PDE4D: variants seen among roughly 807,000 people sequenced by gnomAD.
PDE4D encodes the protein phosphodiesterase 4D.
A neutral mutation model predicts 87.4 loss-of-function variants in PDE4D; 24 were observed. The ratio of observed to expected loss-of-function variants is 0.27; its 90% CI spans 0.20 to 0.39. PDE4D has a LOEUF of 0.39. Among genes scored for constraint, PDE4D ranks in the 10% least tolerant of loss-of-function variants. The pLI, the probability that PDE4D is intolerant of heterozygous loss-of-function variation, is 1.00. For missense variants in PDE4D, 714 were observed against 1,041.0 expected (o/e 0.69, Z 4.32); for synonymous variants, 384 against 383.2 (o/e 1.00, Z -0.02).
chr5:59,159,118 C>T (rs1780649381), intron 5 of PDE4D, among the ~76,000 whole-genome samples: 1 of 136,202 alleles, frequency 7.3e-6, no homozygotes, highest in Non-Finnish European at 1.7e-5. Flanking sequence ...TCTTTGCCTC[C>T]TCTGAATTCT....
chr5:59,055,682 G>C (rs969648033), intron 5 of PDE4D, among the ~76,000 whole-genome samples: 14 of 152,174 alleles, frequency 9.2e-5, no homozygotes, highest in African/African-American at 3.4e-4. Flanking sequence ...TGAGATAACT[G>C]AGAGATTCAG....
intron 1 of PDE4D, among the ~76,000 whole-genome samples, chr5:59,320,186 G>A (rs901898624): frequency 2.0e-5 from 3 of 152,074 alleles, no homozygotes; most frequent in African/African-American, 4.8e-5. Context: ...ATGCATGTGC[G>A]TGTGCAGGTG....
intron 3 of PDE4D, among the ~76,000 whole-genome samples, chr5:59,972,823 A>T (rs929049807): frequency 6.6e-6 from 1 of 152,160 alleles, no homozygotes; most frequent in African/African-American, 2.4e-5. Flanking sequence ...AGGCTCCCAG[A>T]CCTGGCTATA....
chr5:60,459,624 C>T (rs1746766030), intron 1 of PDE4D, among the ~76,000 whole-genome samples: 1 of 151,920 alleles, frequency 6.6e-6, no homozygotes, highest in South Asian at 2.1e-4. Context: ...TGATTCCATA[C>T]AGTTTTTGTT....
chr5:59,398,430 A>C (rs369156081), intron 1 of PDE4D, among the ~76,000 whole-genome samples: 1 of 144,234 alleles, frequency 6.9e-6, no homozygotes, highest in Non-Finnish European at 1.5e-5. Flanking sequence ...TTCAATATAC[A>C]CAAATCAGTA....
intron 1 of PDE4D, among the ~76,000 whole-genome samples, chr5:59,295,858 A>T (rs2153557883): frequency 6.6e-6 from 1 of 152,184 alleles, no homozygotes; most frequent in South Asian, 2.1e-4. Context: ...ACAAAAAAAA[A>T]AACAGCTTTG....
At chr5:60,112,999 C>T (rs1582722591) in intron 2 of PDE4D, among the ~76,000 whole-genome samples, 1 of 152,064 alleles carries the variant, frequency 6.6e-6, no homozygotes, top group Admixed American at 6.6e-5. Context: ...GGAGATGAGA[C>T]GTACGTCAAC....
At chr5:60,422,430 T>C (rs1035227629) in intron 1 of PDE4D, among the ~76,000 whole-genome samples, 5 of 152,178 alleles carry the variant, frequency 3.3e-5, no homozygotes, top group African/African-American at 1.2e-4. Context: ...CAGAATTTCA[T>C]ATCCAGCCAA....
chr5:59,665,119 T>C (rs1181763362), intron 1 of PDE4D, among the ~76,000 whole-genome samples: 1 of 152,206 alleles, frequency 6.6e-6, no homozygotes, highest in African/African-American at 2.4e-5. Context: ...CATGAACTGA[T>C]TGTCTTCCTA....
chr5:60,047,583 G>T (rs1311829963), intron 2 of PDE4D, among the ~76,000 whole-genome samples: 1 of 152,024 alleles, frequency 6.6e-6, no homozygotes, highest in Admixed American at 6.6e-5. Flanking sequence ...GTTCTCATTG[G>T]TTTCAAAGAA....
At chr5:59,078,030 A>G (rs1670547729) in intron 5 of PDE4D, among the ~76,000 whole-genome samples, 1 of 152,174 alleles carries the variant, frequency 6.6e-6, no homozygotes, top group African/African-American at 2.4e-5. Context: ...CTCCAGAAAC[A>G]ACTGATTCCA....
At chr5:60,211,384 A>G (rs1743198730) in intron 1 of PDE4D, among the ~76,000 whole-genome samples, 1 of 151,564 alleles carries the variant, frequency 6.6e-6, no homozygotes, top group Non-Finnish European at 1.5e-5. Context: ...GGACGGGTCC[A>G]GATCCCATTT....
intron 1 of PDE4D, among the ~76,000 whole-genome samples, chr5:59,670,130 C>G (rs17381695): frequency 6.6e-6 from 1 of 151,958 alleles, no homozygotes; most frequent in African/African-American, 2.4e-5. Context: ...GACTAGATTA[C>G]TTGTTTCTCA....
intron 1 of PDE4D, among the ~76,000 whole-genome samples, chr5:59,493,834 C>A (rs888226851): frequency 3.9e-5 from 6 of 152,146 alleles, no homozygotes; most frequent in Non-Finnish European, 5.9e-5. Context: ...AAGTTCGATT[C>A]ATGAAGCTAT....
At chr5:60,017,458 C>G (rs1765634976) in intron 2 of PDE4D, among the ~76,000 whole-genome samples, 1 of 152,096 alleles carries the variant, frequency 6.6e-6, no homozygotes, top group Non-Finnish European at 1.5e-5. Context: ...CCTAGCACCC[C>G]CTGAATGGGC....
chr5:60,399,316 G>T (rs1020995664), intron 1 of PDE4D, among the ~76,000 whole-genome samples: 3 of 152,082 alleles, frequency 2.0e-5, no homozygotes, highest in Non-Finnish European at 4.4e-5. Context: ...TTAATAAGGG[G>T]CTTAAAAGAA....
intron 1 of PDE4D, among the ~76,000 whole-genome samples, chr5:60,370,979 G>C (rs16877954): frequency 0.11 from 17,014 of 152,174 alleles, 1,418 homozygotes; most frequent in East Asian, 0.4. Flanking sequence ...TCTCTCCCTA[G>C]GAGACCACAA....
chr5:59,055,096 A>C (rs997425455), intron 5 of PDE4D, among the ~76,000 whole-genome samples: 2 of 152,194 alleles, frequency 1.3e-5, no homozygotes, highest in East Asian at 3.8e-4. Flanking sequence ...AGACAGATAG[A>C]CCATATGAAT....
chr5:60,322,052 G>A (rs1039088102), intron 1 of PDE4D, among the ~76,000 whole-genome samples: 3 of 151,684 alleles, frequency 2.0e-5, no homozygotes, highest in African/African-American at 4.8e-5. Flanking sequence ...CCCCATTATT[G>A]GGTTTATACC....
Sources: allele counts gnomAD v4.1 joint callset (sites outside exome capture counted in the v4.1 genomes callset), GRCh38; gene constraint gnomAD v4.1.1; transcripts MANE v1.5; gene names NCBI Gene and HGNC (gene_info 2026-07-23, HGNC 2026-07-21).